CSMD1: variants seen among roughly 807,000 people sequenced by gnomAD.
CSMD1 encodes the protein CUB and Sushi multiple domains 1, also known as CUB and sushi domain-containing protein 1.
CSMD1 carries 213 observed loss-of-function variants against 417.5 expected under a neutral mutation model. The ratio of observed to expected loss-of-function variants is 0.51; its 90% CI spans 0.46 to 0.57. The LOEUF (loss-of-function observed/expected upper bound fraction) is 0.57, where lower values mean the gene tolerates loss of function less well. CSMD1 is among the 20% of genes least tolerant of loss of function. CSMD1 has a pLI of 0.00. For synonymous variants in CSMD1, 2,862 were observed against 1,736.8 expected, an observed-to-expected ratio of 1.65 and a Z score of -16.11; for missense variants, 6,923 against 4,529.7, an observed-to-expected ratio of 1.53 and a Z score of -15.17.
chr8:4,461,510 G>C (rs552291687), intron 2 of CSMD1, among the ~76,000 whole-genome samples: 11 of 141,494 alleles, frequency 7.8e-5, no homozygotes, highest in Non-Finnish European at 1.5e-4. Context: ...CAAGGTTACA[G>C]AGTAGAAGAT....
At position 2,936,305 on chromosome 8, in the gene CSMD1, G is replaced by T. The variant is rs1308360645; in HGVS notation, c.*2280C>A. 1 of 151,706 alleles carries T rather than the reference G, an allele frequency of 6.6e-6. No homozygotes were observed. Among genetic ancestry groups the T allele is most frequent in the Non-Finnish European group, 1.5e-5 (1 of 67,982 alleles). 9.4% of individuals were successfully genotyped at this position (151,706 alleles called of 1,614,324 possible). A position where few individuals can be genotyped will look rare whatever the true frequency, so the allele number is the denominator to read the frequency against. ...AGGTCAGGGATATGGGAACAGAGAT[G>T]TTAATTCAGACTCTGAAGTCAGCAT... On this transcript the variant is annotated 3_prime_UTR_variant, in exon 70 of 70. Coordinates refer to ENST00000635120, the MANE Select transcript of CSMD1 (RefSeq NM_033225.6).
intron 2 of CSMD1, among the ~76,000 whole-genome samples, chr8:4,514,050 A>G (rs1335421375): frequency 6.6e-6 from 1 of 152,168 alleles, no homozygotes; most frequent in Admixed American, 6.5e-5. Flanking sequence ...CAAACTAGGT[A>G]GCTTAAACAA....
chr8:4,425,318 A>G (rs932678126), intron 2 of CSMD1, among the ~76,000 whole-genome samples: 1 of 151,364 alleles, frequency 6.6e-6, no homozygotes, highest in African/African-American at 2.4e-5. Context: ...TAGGGAAAAT[A>G]TATGCATGTG....
chr8:3,229,348 T>G (rs946306969), intron 27 of CSMD1, among the ~76,000 whole-genome samples: 1 of 152,222 alleles, frequency 6.6e-6, no homozygotes, highest in Admixed American at 6.5e-5. Context: ...ATACTCTAAG[T>G]ACGAATTTTA....
At chr8:4,390,354 C>G (rs1186426450) in intron 3 of CSMD1, among the ~76,000 whole-genome samples, 1 of 151,982 alleles carries the variant, frequency 6.6e-6, no homozygotes, top group Non-Finnish European at 1.5e-5. Flanking sequence ...CATAATAATA[C>G]CACATTCCAA....
At chr8:3,180,538 A>T (rs1821257955) in intron 37 of CSMD1, among the ~76,000 whole-genome samples, 1 of 152,216 alleles carries the variant, frequency 6.6e-6, no homozygotes, top group Non-Finnish European at 1.5e-5. Context: ...GCTTTTTAAT[A>T]CAAACAACCT....
At chr8:3,805,658 T>G (rs764089062) in intron 5 of CSMD1, among the ~76,000 whole-genome samples, 1 of 152,076 alleles carries the variant, frequency 6.6e-6, no homozygotes, top group Non-Finnish European at 1.5e-5. Context: ...TGAAGGCAAG[T>G]TGGGTATTTG....
intron 22 of CSMD1, among the ~76,000 whole-genome samples, chr8:3,347,135 G>C (rs1808058969): frequency 6.6e-6 from 1 of 152,234 alleles, no homozygotes; most frequent in African/African-American, 2.4e-5. Flanking sequence ...TTTGTGTTGG[G>C]CCACAGTCAA....
At chr8:3,600,096 G>A (rs1478819098) in intron 8 of CSMD1, among the ~76,000 whole-genome samples, 1 of 152,306 alleles carries the variant, frequency 6.6e-6, no homozygotes, top group East Asian at 1.9e-4. Context: ...GAAAAGTCTA[G>A]CAGGTAAAGA....
At chr8:3,434,729 A>C (rs1036059633) in intron 12 of CSMD1, among the ~76,000 whole-genome samples, 1 of 152,128 alleles carries the variant, frequency 6.6e-6, no homozygotes, top group Admixed American at 6.5e-5. Context: ...TAAAATCACT[A>C]ATTTAACATC....
intron 21 of CSMD1, among the ~76,000 whole-genome samples, chr8:3,354,573 T>C (rs1808616797): frequency 6.6e-6 from 1 of 152,132 alleles, no homozygotes; most frequent in African/African-American, 2.4e-5. Context: ...CAATTCCATA[T>C]TTACTCACGA....
At chr8:3,346,000 A>T (rs1807964573) in intron 22 of CSMD1, among the ~76,000 whole-genome samples, 1 of 152,198 alleles carries the variant, frequency 6.6e-6, no homozygotes, top group South Asian at 2.1e-4. Flanking sequence ...GTGCGTGTAT[A>T]TAAAATTTTA....
chr8:4,162,241 G>C (rs926301726), intron 3 of CSMD1, among the ~76,000 whole-genome samples: 3 of 152,126 alleles, frequency 2.0e-5, no homozygotes, highest in Admixed American at 6.5e-5. Context: ...ATTCATCTAA[G>C]AAACATTCTG....
chr8:3,084,086 T>TG (rs1408414260), intron 49 of CSMD1, among the ~76,000 whole-genome samples: 1 of 152,104 alleles, frequency 6.6e-6, no homozygotes, highest in Non-Finnish European at 1.5e-5. Flanking sequence ...TGTGAGTGGA[T>TG]GGGAGAAGGT....
At position 4,510,019 on chromosome 8, in the gene CSMD1, G is replaced by C. The variant is rs996459146; in HGVS notation, c.303-89954C>G. Among the ~76,000 whole-genome samples the C allele has an allele frequency of 3.3e-5, 5 of 152,198 alleles. No homozygotes were observed. In the East Asian group the frequency reaches 9.7e-4, roughly 29 times the overall value. ...ACTCCCATAATTCCCACATGTTGTG[G>C]GAGGGACCCGGTGGGAGGTAACTCA... On this transcript the variant is annotated intron_variant, in intron 2 of 69. Transcript: ENST00000635120.
intron 5 of CSMD1, among the ~76,000 whole-genome samples, chr8:3,924,293 C>T (rs1209370898): frequency 6.6e-6 from 1 of 152,096 alleles, no homozygotes; most frequent in Non-Finnish European, 1.5e-5. Context: ...CCTCTTGATG[C>T]TTTCAATATT....
intron 25 of CSMD1, among the ~76,000 whole-genome samples, chr8:3,301,624 G>C (rs12678461): frequency 0.037 from 5,670 of 152,278 alleles, 222 homozygotes; most frequent in Admixed American, 0.11. Flanking sequence ...CAGTAGCACA[G>C]GCTATGATCA....
intron 3 of CSMD1, among the ~76,000 whole-genome samples, chr8:4,308,192 G>C (rs11136725): frequency 0.53 from 80,415 of 152,108 alleles, 24,973 homozygotes; most frequent in Non-Finnish European, 0.68. Flanking sequence ...GAGTTAGGAG[G>C]TGAAGTCACT....
chr8:4,125,225 G>A, intron 3 of CSMD1, among the ~76,000 whole-genome samples: 1 of 152,256 alleles, frequency 6.6e-6, no homozygotes, highest in Admixed American at 6.5e-5. Flanking sequence ...GCTGGGAACT[G>A]CTTAGGGCCA....
Sources: gnomAD v4.1 joint callset for allele counts (sites outside exome capture counted in the v4.1 genomes callset) on GRCh38, gnomAD v4.1.1 for gene constraint, MANE v1.5 for transcripts, NCBI Gene and HGNC (gene_info 2026-07-23, HGNC 2026-07-21) for gene names.